GABRA3: variants seen among roughly 807,000 people sequenced by gnomAD.
GABRA3 encodes gamma-aminobutyric acid type A receptor subunit alpha3, also known as gamma-aminobutyric acid receptor subunit alpha-3.
Under a neutral mutation model 30.1 loss-of-function variants are expected in GABRA3, and 10 were observed. The observed-to-expected ratio is 0.33, with a 90% CI of 0.20 to 0.56. The LOEUF (loss-of-function observed/expected upper bound fraction) is 0.56. GABRA3 is among the 20% of genes least tolerant of loss of function. The probability of loss-of-function intolerance (pLI) is 0.89; values close to 1 mark genes in which losing one functional copy is unlikely to be tolerated. For missense variants in GABRA3, 233 were observed against 392.0 expected, an observed-to-expected ratio of 0.59 and a Z score of 3.42; for synonymous variants, 151 against 146.8, an observed-to-expected ratio of 1.03 and a Z score of -0.21.
chrX:152,390,663 A>G (rs1929453031), intron 1 of GABRA3, among the ~76,000 whole-genome samples: 1 of 112,318 alleles, frequency 8.9e-6, no homozygotes, highest in Admixed American at 9.4e-5. Context: ...CCAGTGCTTA[A>G]CCATTAGACT....
At chrX:152,298,545 G>A (rs1161092193) in intron 3 of GABRA3, among the ~76,000 whole-genome samples, 7 of 110,472 alleles carry the variant, frequency 6.3e-5, no homozygotes, top group Non-Finnish European at 1.3e-4. Flanking sequence ...CCCTACAAAG[G>A]ACATGAACTC....
At chrX:152,450,367 A>G (rs774000525) in intron 1 of GABRA3, among the ~76,000 whole-genome samples, 2 of 106,074 alleles carry the variant, frequency 1.9e-5, no homozygotes, top group African/African-American at 6.9e-5. Context: ...TGGACTTAAC[A>G]TGATGCCTAT....
At chrX:152,182,316 C>T (rs200498891) in intron 9 of GABRA3, among the ~76,000 whole-genome samples, 2,381 of 98,552 alleles carry the variant, frequency 0.024, 76 homozygotes, top group African/African-American at 0.067. Context: ...TATATATACA[C>T]ACACACACAC....
chrX:152,215,054 A>ATAT (rs1556765053), intron 6 of GABRA3, among the ~76,000 whole-genome samples: 1 of 100,619 alleles, frequency 9.9e-6, no homozygotes, highest in African/African-American at 3.6e-5. Flanking sequence ...ATATATATAT[A>ATAT]TTTTTTTATA....
chrX:152,255,119 ATATC>A (rs773830506), intron 5 of GABRA3, among the ~76,000 whole-genome samples: 6 of 111,374 alleles, frequency 5.4e-5, no homozygotes, highest in African/African-American at 2.0e-4. Context: ...GAAGATTTCT[ATATC>A]TATATATACA....
At chrX:152,344,162 C>G (rs943542703) in intron 3 of GABRA3, among the ~76,000 whole-genome samples, 4 of 110,845 alleles carry the variant, frequency 3.6e-5, no homozygotes, top group Non-Finnish European at 7.6e-5. Flanking sequence ...TATGAAAGTA[C>G]AAAATAAGTC....
rs1309251808 is a variant in GABRA3 at position 152,168,147 on chromosome X, G to A, written c.*81C>T. ...GGTAAAAAGGAGAATCCTGAAATAC[G>A]CGAAGGGGAGCCCCGGGGTTTGGGT... On this transcript the variant is annotated 3_prime_UTR_variant, in exon 10 of 10. Coordinates refer to ENST00000370314, the MANE Select transcript of GABRA3 (RefSeq NM_000808.4). The A allele has an allele frequency of 1.2e-5, 9 of 769,924 alleles. No homozygotes were observed. Among genetic ancestry groups the A allele is most frequent in the African/African-American group, 8.3e-5 (4 of 48,370 alleles). The allele number at this position is 769,924 out of a possible 1,213,427, so 63.5% of individuals were successfully genotyped here.
chrX:152,205,512 C>A (rs1371049496), intron 7 of GABRA3, among the ~76,000 whole-genome samples: 1 of 111,347 alleles, frequency 9.0e-6, no homozygotes, highest in African/African-American at 3.3e-5. Context: ...GAGGACATTA[C>A]CAAAAAAGAG....
At chrX:152,384,198 T>C (rs745852497) in intron 1 of GABRA3, among the ~76,000 whole-genome samples, 12 of 111,266 alleles carry the variant, frequency 1.1e-4, no homozygotes, top group East Asian at 2.8e-4. Context: ...CTGAAAACTA[T>C]AGAACACTGA....
chrX:152,374,571 C>T (rs766128345), intron 1 of GABRA3, among the ~76,000 whole-genome samples: 8 of 110,669 alleles, frequency 7.2e-5, no homozygotes, highest in Admixed American at 1.9e-4. Flanking sequence ...AACATGGTCT[C>T]GATCTCCTGA....
chrX:152,438,359 G>A (rs935197099), intron 1 of GABRA3, among the ~76,000 whole-genome samples: 1 of 112,201 alleles, frequency 8.9e-6, no homozygotes, highest in East Asian at 2.8e-4. Flanking sequence ...ATTGCTGATG[G>A]CAGTGCAAAA....
intron 2 of GABRA3, among the ~76,000 whole-genome samples, chrX:152,348,831 C>T (rs1425004372): frequency 8.9e-6 from 1 of 112,271 alleles, no homozygotes; most frequent in African/African-American, 3.2e-5. Context: ...TGCTAAGAAT[C>T]ATCTGACGCT....
chrX:152,396,483 G>A (rs755779429), intron 1 of GABRA3, among the ~76,000 whole-genome samples: 2 of 111,618 alleles, frequency 1.8e-5, no homozygotes, highest in African/African-American at 3.3e-5. Flanking sequence ...TCCCCCTGTA[G>A]TTTTACCACC....
intron 9 of GABRA3, among the ~76,000 whole-genome samples, chrX:152,182,946 T>A (rs1224109943): frequency 9.7e-6 from 1 of 103,466 alleles, no homozygotes; most frequent in African/African-American, 3.5e-5. Flanking sequence ...TAATGTACTG[T>A]TAACTTTGGT....
At chrX:152,326,975 C>T (rs756717062) in intron 3 of GABRA3, among the ~76,000 whole-genome samples, 1 of 107,301 alleles carries the variant, frequency 9.3e-6, no homozygotes, top group South Asian at 4.2e-4. Flanking sequence ...CGTGCAGAGA[C>T]ACATACAGGC....
At chrX:152,328,212 C>T (rs1168800896) in intron 3 of GABRA3, among the ~76,000 whole-genome samples, 1 of 111,265 alleles carries the variant, frequency 9.0e-6, no homozygotes, top group Non-Finnish European at 1.9e-5. Flanking sequence ...AATTAATAGC[C>T]TACCAACGAA....
In GABRA3 at chrX:152,244,589, TA is replaced by T. The variant is rs751213032; in HGVS notation, c.551+11188del. ...AGTGAGAAATAAGTTCTGTTGTTTA[TA>T]AATTACCCAGTCTAAGGTGTTTTAT... On this transcript the variant is annotated intron_variant, in intron 5 of 9. Coordinates refer to ENST00000370314, the MANE Select transcript of GABRA3 (RefSeq NM_000808.4). Among the ~76,000 whole-genome samples the T allele has an allele frequency of 4.5e-5, 5 of 111,716 alleles. No homozygotes were observed. The South Asian group carries it at 1.1e-3, about 25-fold the overall frequency.
chrX:152,387,881 T>C (rs1929366356), intron 1 of GABRA3, among the ~76,000 whole-genome samples: 1 of 111,178 alleles, frequency 9.0e-6, no homozygotes, highest in Non-Finnish European at 1.9e-5. Flanking sequence ...TCTTGCAGCA[T>C]GAATAAAAAG....
At chrX:152,403,840 A>T (rs1369705106) in intron 1 of GABRA3, among the ~76,000 whole-genome samples, 1 of 111,095 alleles carries the variant, frequency 9.0e-6, no homozygotes, top group African/African-American at 3.3e-5. Flanking sequence ...ACAAAAATCA[A>T]AGTTCAGGGC....
Sources: gnomAD v4.1 joint callset for allele counts (sites outside exome capture counted in the v4.1 genomes callset) on GRCh38, gnomAD v4.1.1 for gene constraint, MANE v1.5 for transcripts, NCBI Gene and HGNC (gene_info 2026-07-23, HGNC 2026-07-21) for gene names.